Variants in PDE8B observed in about 807,000 individuals in gnomAD.
PDE8B encodes high affinity cAMP-specific and IBMX-insensitive 3',5'-cyclic phosphodiesterase 8B.
In PDE8B, 26 loss-of-function variants were observed where a neutral mutation model predicts 101.3. That is an observed-to-expected ratio of 0.26 (90% CI 0.19 to 0.36). PDE8B has a LOEUF of 0.36. Among genes scored for constraint, PDE8B ranks in the 10% least tolerant of loss-of-function variants. The pLI is 1.00. For missense variants in PDE8B, 810 were observed against 1,163.1 expected (o/e 0.70, Z 4.42); for synonymous variants, 424 against 429.3 (o/e 0.99, Z 0.15).
chr5:77,291,615 T>C (rs1767358719), intron 1 of PDE8B: 1 of 1,597,736 alleles, frequency 6.3e-7, no homozygotes, highest in Non-Finnish European at 8.6e-7. Context: ...AGGATCAGAC[T>C]GTGGCACTGT....
chr5:77,176,633 G>T, the PDE8B span, among the ~76,000 whole-genome samples: 2 of 152,172 alleles, frequency 1.3e-5, no homozygotes, highest in African/African-American at 2.4e-5. Flanking sequence ...TTTCCCTACT[G>T]GCGGTAAGGA....
At chr5:77,219,947 G>C (rs1328057349) in intron 1 of PDE8B, among the ~76,000 whole-genome samples, 1 of 152,232 alleles carries the variant, frequency 6.6e-6, no homozygotes, top group Non-Finnish European at 1.5e-5. Flanking sequence ...AGATCCATCT[G>C]TCATGTGCAG....
At chr5:77,157,073 C>G in the PDE8B span, among the ~76,000 whole-genome samples, 28 of 152,266 alleles carry the variant, frequency 1.8e-4, no homozygotes, top group African/African-American at 6.7e-4. Context: ...TGGTGACTTT[C>G]TTTAATCGCC....
chr5:77,224,090 T>C (rs1365723035), intron 1 of PDE8B, among the ~76,000 whole-genome samples: 1 of 152,214 alleles, frequency 6.6e-6, no homozygotes, highest in Non-Finnish European at 1.5e-5. Context: ...TGGGATCTGA[T>C]GTCAGAGAAC....
chr5:77,383,667 A>C (rs1040779667), intron 10 of PDE8B, among the ~76,000 whole-genome samples: 3 of 152,198 alleles, frequency 2.0e-5, no homozygotes, highest in African/African-American at 7.2e-5. Context: ...ATAAAGTGTA[A>C]GGAAGGGGTC....
intron 10 of PDE8B, among the ~76,000 whole-genome samples, chr5:77,385,084 C>T (rs1788269510): frequency 6.6e-6 from 1 of 152,168 alleles, no homozygotes; most frequent in Non-Finnish European, 1.5e-5. Flanking sequence ...TAGAATTTGA[C>T]TGTGAATCCT....
chr5:77,308,087 A>C (rs1437537895), intron 1 of PDE8B, among the ~76,000 whole-genome samples: 1 of 152,210 alleles, frequency 6.6e-6, no homozygotes, highest in Non-Finnish European at 1.5e-5. Context: ...CCTGTGTCAG[A>C]AGCAGAACTC....
the PDE8B span, among the ~76,000 whole-genome samples, chr5:77,160,621 T>A: frequency 6.6e-6 from 1 of 152,154 alleles, no homozygotes; most frequent in African/African-American, 2.4e-5. Context: ...TTACAATTAT[T>A]TAACGGTATG....
chr5:77,211,086 C>A lies in PDE8B; in HGVS notation c.161C>A (p.Pro54His). ...CAGACCGACGCCGCCGACGCCATCC[C>A]CCCGAGCCGCGCGTCGGGACCCCCC... Reference protein sequence around the residue: ...FVQTDAADAIPPSRASGPPSV... With the variant: ...FVQTDAADAIHPSRASGPPSV... Residue 54 changes from proline (P) to histidine (H), a missense_variant, in exon 1 of 22, where the codon CCC (proline) becomes CAC (histidine). By Grantham distance (77) the Pro-to-His change is moderately conservative (BLOSUM62 -2). Around this residue, in one of 4 missense-constraint regions of PDE8B, gnomAD observed 159 missense variants for 146.6 expected, o/e 1.08. Coordinates refer to ENST00000264917, the MANE Select transcript of PDE8B (RefSeq NM_003719.5). This position sits in a 1 kb window ranked among gnomAD's most constrained non-coding sequence, Gnocchi z 4.1. 6.7e-7 allele frequency: 1 copy of A among 1,496,964 alleles called. No individual in the cohort carries two copies. Among genetic ancestry groups the A allele is most frequent in the Non-Finnish European group, 8.8e-7 (1 of 1,130,212 alleles). The allele number at this position is 1,496,964 out of a possible 1,614,324, so 92.7% of individuals were successfully genotyped here. A position where few individuals can be genotyped will look rare whatever the true frequency, so the allele number is the denominator to read the frequency against.
intron 2 of PDE8B, among the ~76,000 whole-genome samples, chr5:77,314,437 G>C (rs1482733106): frequency 3.9e-5 from 6 of 152,060 alleles, no homozygotes; most frequent in Non-Finnish European, 8.8e-5. Context: ...GGAGCTAGCT[G>C]GGATTTTGAT....
At chr5:77,148,776 G>C in the PDE8B span, among the ~76,000 whole-genome samples, 1 of 152,066 alleles carries the variant, frequency 6.6e-6, no homozygotes, top group Non-Finnish European at 1.5e-5. Flanking sequence ...CTGTGCAAAA[G>C]TCCTTTATCA....
At chr5:77,216,894 G>T (rs956137618) in intron 1 of PDE8B, among the ~76,000 whole-genome samples, 17 of 152,158 alleles carry the variant, frequency 1.1e-4, no homozygotes, top group Non-Finnish European at 1.2e-4. Context: ...AATATCCTGA[G>T]CATATCCCAA....
chr5:77,090,243 T>G, the PDE8B span, among the ~76,000 whole-genome samples: 7 of 152,186 alleles, frequency 4.6e-5, no homozygotes, highest in African/African-American at 1.7e-4. Context: ...ATTTTTTTCT[T>G]TTTTTCTTTT....
the PDE8B span, among the ~76,000 whole-genome samples, chr5:77,157,390 A>G: frequency 6.6e-6 from 1 of 152,224 alleles, no homozygotes; most frequent in South Asian, 2.1e-4. Flanking sequence ...ACATCCCAGC[A>G]GGTGAGAGCC....
intron 1 of PDE8B, among the ~76,000 whole-genome samples, chr5:77,262,578 A>T (rs1057192957): frequency 7.2e-5 from 11 of 152,226 alleles, no homozygotes; most frequent in African/African-American, 2.7e-4. Flanking sequence ...CATATATTGC[A>T]TGTCTGCATT....
intron 2 of PDE8B, among the ~76,000 whole-genome samples, chr5:77,313,255 T>C (rs1490680577): frequency 1.3e-5 from 2 of 151,844 alleles, no homozygotes; most frequent in African/African-American, 4.8e-5. Flanking sequence ...GAAAATAGTG[T>C]TTTATAGTTG....
chr5:77,115,903 A>G, the PDE8B span, among the ~76,000 whole-genome samples: 2 of 152,210 alleles, frequency 1.3e-5, no homozygotes, highest in African/African-American at 4.8e-5. Flanking sequence ...ATTAACGTGA[A>G]CAATTTCATT....
At chr5:77,252,299 C>T (rs1758225947) in intron 1 of PDE8B, among the ~76,000 whole-genome samples, 1 of 152,202 alleles carries the variant, frequency 6.6e-6, no homozygotes, top group Non-Finnish European at 1.5e-5. Context: ...CCTTTAGCCT[C>T]CTTTTACCCT....
chr5:77,182,986 A>G, the PDE8B span, among the ~76,000 whole-genome samples: 1 of 151,958 alleles, frequency 6.6e-6, no homozygotes, highest in Non-Finnish European at 1.5e-5. Context: ...TCAGGTTTTC[A>G]GAGATGAATA....
Sources: allele counts gnomAD v4.1 joint callset (sites outside exome capture counted in the v4.1 genomes callset), GRCh38; gene constraint gnomAD v4.1.1; regional missense constraint gnomAD v4.1.1; non-coding constraint Gnocchi (gnomAD v3.1); transcripts MANE v1.5; gene names NCBI Gene and HGNC (gene_info 2026-07-23, HGNC 2026-07-21).